Variants in PRKN observed in about 807,000 individuals in gnomAD.
PRKN encodes the protein parkin RBR E3 ubiquitin protein ligase.
In PRKN, 56 loss-of-function variants were observed where a neutral mutation model predicts 59.5. The ratio of observed to expected loss-of-function variants is 0.94; its 90% CI spans 0.76 to 1.18. The LOEUF (loss-of-function observed/expected upper bound fraction) is 1.18, where lower values mean the gene tolerates loss of function less well. PRKN is among the 50% of genes most tolerant of loss of function. The pLI is 0.00. For synonymous variants in PRKN, 250 were observed against 222.1 expected (o/e 1.13, Z -1.12); for missense variants, 657 against 596.4 (o/e 1.10, Z -1.06).
At chr6:161,853,349 T>C (rs12528179) in intron 6 of PRKN, among the ~76,000 whole-genome samples, 72,749 of 152,032 alleles carry the variant, frequency 0.48, 17,605 homozygotes, top group East Asian at 0.63. Flanking sequence ...TAGATAGCTA[T>C]GGACTAGTGC....
chr6:161,542,265 G>A (rs994187176), intron 9 of PRKN, among the ~76,000 whole-genome samples: 3 of 152,096 alleles, frequency 2.0e-5, no homozygotes, highest in East Asian at 1.9e-4. Context: ...AAGGCTTCCC[G>A]TCAACAGTGG....
chr6:162,561,209 G>A (rs1363910145), intron 1 of PRKN, among the ~76,000 whole-genome samples: 2 of 152,078 alleles, frequency 1.3e-5, no homozygotes, highest in South Asian at 2.1e-4. Flanking sequence ...AAGGGGCTTG[G>A]GCTTTATTCT....
At chr6:162,171,963 G>A (rs1783300415) in intron 4 of PRKN, among the ~76,000 whole-genome samples, 1 of 152,050 alleles carries the variant, frequency 6.6e-6, no homozygotes, top group Admixed American at 6.6e-5. Flanking sequence ...CTTCCTTTGT[G>A]CTACTCTTCT....
intron 7 of PRKN, among the ~76,000 whole-genome samples, chr6:161,741,855 G>C (rs1191243963): frequency 6.6e-6 from 1 of 152,124 alleles, no homozygotes; most frequent in Admixed American, 6.5e-5. Flanking sequence ...TGTTAAGGGC[G>C]GGCCCAGTGG....
chr6:161,644,009 T>TA (rs1302521008), intron 7 of PRKN, among the ~76,000 whole-genome samples: 8 of 152,078 alleles, frequency 5.3e-5, no homozygotes, highest in African/African-American at 4.8e-5. Context: ...GAGGAGCAAG[T>TA]AAAAAACTAT....
intron 4 of PRKN, among the ~76,000 whole-genome samples, chr6:162,165,380 A>C (rs1436783237): frequency 6.7e-6 from 1 of 149,364 alleles, no homozygotes; most frequent in African/African-American, 2.5e-5. Context: ...CAAACTCCAG[A>C]CTATAAGAAA....
At chr6:162,416,739 TG>T (rs1286943375) in intron 2 of PRKN, among the ~76,000 whole-genome samples, 20 of 152,290 alleles carry the variant, frequency 1.3e-4, no homozygotes, top group Admixed American at 1.2e-3. Context: ...GACACGTGAT[TG>T]GGGACAGACA....
In PRKN at chr6:162,247,209, T is replaced by C. The variant is rs112857104; in HGVS notation, c.412+15316A>G. On this transcript the variant is annotated intron_variant, in intron 3 of 11. Transcript: ENST00000366898. ...GTGAAATCAAAGATCTTATTTTGAA[T>C]ACAAGTTATAATCGGATTTGGTGGC... Among the ~76,000 whole-genome samples the C allele has an allele frequency of 2.0e-3, 309 of 152,272 alleles. 1 individual carries two copies. Among genetic ancestry groups the C allele is most frequent in the Middle Eastern group, 0.017 (5 of 294 alleles).
chr6:162,278,081 G>A (rs1157956552), intron 2 of PRKN, among the ~76,000 whole-genome samples: 2 of 152,062 alleles, frequency 1.3e-5, no homozygotes, highest in East Asian at 1.9e-4. Context: ...GAAAATTATT[G>A]AGCACTAAAG....
chr6:161,562,211 G>A lies in PRKN; in HGVS notation c.933+7144C>T, dbSNP rs904663852. On this transcript the variant is annotated intron_variant, in intron 8 of 11. Coordinates refer to ENST00000366898, the MANE Select transcript of PRKN (RefSeq NM_004562.3). This position sits in a 1 kb window ranked among gnomAD's most constrained non-coding sequence, Gnocchi z 4.3. Reference sequence around the variant, plus strand: ...TCTCCTCTGGAAGGCCTGCCTTCTCGGCTTCCTCAACACCATAAATCGCCA... The same window carrying A: ...TCTCCTCTGGAAGGCCTGCCTTCTCAGCTTCCTCAACACCATAAATCGCCA... 3.3e-5 allele frequency among the ~76,000 whole-genome samples: 5 copies of A among 151,696 alleles called. No individual in the cohort carries two copies. Among genetic ancestry groups the A allele is most frequent in the Middle Eastern group, 3.4e-3 (1 of 292 alleles).
chr6:162,261,126 T>C (rs1779869603), intron 3 of PRKN, among the ~76,000 whole-genome samples: 1 of 152,120 alleles, frequency 6.6e-6, no homozygotes, highest in Non-Finnish European at 1.5e-5. Context: ...TAAGGTTTGT[T>C]AGGCAGATTA....
At chr6:162,479,926 G>A (rs1225141729) in intron 1 of PRKN, among the ~76,000 whole-genome samples, 1 of 151,998 alleles carries the variant, frequency 6.6e-6, no homozygotes, top group African/African-American at 2.4e-5. Context: ...TTCGCTGGGC[G>A]TGGTGGCGCA....
intron 1 of PRKN, chr6:162,727,344 T>TGAGGGGCGG (rs1198506189): frequency 3.1e-5 from 9 of 293,756 alleles, no homozygotes; most frequent in East Asian, 1.9e-4. Context: ...GGAGAAGGCT[T>TGAGGGGCGG]CGGGACCCCA....
intron 6 of PRKN, among the ~76,000 whole-genome samples, chr6:161,948,571 G>T (rs1404125890): frequency 6.6e-6 from 1 of 152,176 alleles, no homozygotes; most frequent in Non-Finnish European, 1.5e-5. Flanking sequence ...GTCACAGGCT[G>T]CAAGAATCAG....
chr6:162,654,278 T>C (rs1372995395), intron 1 of PRKN, among the ~76,000 whole-genome samples: 1 of 152,206 alleles, frequency 6.6e-6, no homozygotes, highest in Non-Finnish European at 1.5e-5. Flanking sequence ...TTAACAGTTA[T>C]CAAGTTATGG....
chr6:162,411,795 CTT>C (rs1298106138), intron 2 of PRKN, among the ~76,000 whole-genome samples: 1 of 152,088 alleles, frequency 6.6e-6, no homozygotes, highest in African/African-American at 2.4e-5. Context: ...GGGCCACCGT[CTT>C]TTTCCTCTAA....
At chr6:162,045,846 G>C (rs1003870412) in intron 5 of PRKN, among the ~76,000 whole-genome samples, 1 of 152,032 alleles carries the variant, frequency 6.6e-6, no homozygotes, top group African/African-American at 2.4e-5. Context: ...ACTCCATTAG[G>C]CTCCTGTGTA....
At chr6:161,426,141 G>T (rs1788344485) in intron 9 of PRKN, among the ~76,000 whole-genome samples, 1 of 152,100 alleles carries the variant, frequency 6.6e-6, no homozygotes, top group Non-Finnish European at 1.5e-5. Context: ...AAGAGGAAGA[G>T]AGAAAAACGG....
At chr6:162,644,734 C>T (rs1778098133) in intron 1 of PRKN, among the ~76,000 whole-genome samples, 1 of 152,110 alleles carries the variant, frequency 6.6e-6, no homozygotes. Flanking sequence ...AAATAAATTT[C>T]AGAGATTTAT....
Sources: allele counts gnomAD v4.1 joint callset (sites outside exome capture counted in the v4.1 genomes callset), GRCh38; gene constraint gnomAD v4.1.1; non-coding constraint Gnocchi (gnomAD v3.1); transcripts MANE v1.5; gene names NCBI Gene and HGNC (gene_info 2026-07-23, HGNC 2026-07-21).